Variants in NEDD4L observed in about 807,000 individuals in gnomAD.
NEDD4L encodes E3 ubiquitin-protein ligase NEDD4-like.
NEDD4L carries 54 observed loss-of-function variants against 148.9 expected under a neutral mutation model. That is an observed-to-expected ratio of 0.36 (90% CI 0.29 to 0.45). The LOEUF (loss-of-function observed/expected upper bound fraction) is 0.45, where lower values mean the gene tolerates loss of function less well. Ranked by LOEUF, NEDD4L falls within the 20% of genes least tolerant of loss-of-function variation. The pLI, the probability that NEDD4L is intolerant of heterozygous loss-of-function variation, is 1.00. For missense variants in NEDD4L, 856 were observed against 1,233.8 expected, an observed-to-expected ratio of 0.69 and a Z score of 4.59; for synonymous variants, 433 against 440.7, an observed-to-expected ratio of 0.98 and a Z score of 0.22.
chr18:58,121,867 A>G (rs2029966326), intron 1 of NEDD4L, among the ~76,000 whole-genome samples: 2 of 152,126 alleles, frequency 1.3e-5, no homozygotes, highest in Admixed American at 1.3e-4. Context: ...TTCCCTTCCC[A>G]TGTCTTATTT....
At chr18:58,241,925 C>T (rs981319717) in intron 2 of NEDD4L, among the ~76,000 whole-genome samples, 1 of 152,010 alleles carries the variant, frequency 6.6e-6, no homozygotes, top group Admixed American at 6.5e-5. Flanking sequence ...CATGTTCTTG[C>T]GTAGCATTGA....
rs143775156 is a variant in NEDD4L at position 58,362,405 on chromosome 18, GT to G, written c.1768-1860del. Among the ~76,000 whole-genome samples the G allele has an allele frequency of 3.2e-3, 480 of 152,320 alleles. 1 individual carries two copies. The highest frequency in any genetic ancestry group is 0.011 in the African/African-American group (455 of 41,572). The stretch of plus-strand genomic sequence containing the variant: ...TTCAGAAATAGAAGAGCTGAGTCAC[GT>G]TTGTTCATCCAGTCAAATTCTTCCA... On this transcript the variant is annotated intron_variant, in intron 19 of 30. Coordinates refer to ENST00000400345, the MANE Select transcript of NEDD4L (RefSeq NM_001144967.3).
At chr18:58,323,681 C>A (rs2059049562) in intron 8 of NEDD4L, among the ~76,000 whole-genome samples, 1 of 152,106 alleles carries the variant, frequency 6.6e-6, no homozygotes, top group African/African-American at 2.4e-5. Flanking sequence ...CCATTGAGGT[C>A]GCTTCAAAGT....
chr18:58,292,113 C>T (rs1412811340), intron 5 of NEDD4L, among the ~76,000 whole-genome samples: 1 of 148,598 alleles, frequency 6.7e-6, no homozygotes, highest in African/African-American at 2.5e-5. Flanking sequence ...CTCAAACGCA[C>T]AGCTTTGGGT....
intron 1 of NEDD4L, among the ~76,000 whole-genome samples, chr18:58,141,970 G>A (rs946527246): frequency 6.0e-5 from 9 of 149,866 alleles, no homozygotes; most frequent in African/African-American, 2.2e-4. Flanking sequence ...TCAGAGAAAT[G>A]TAAAGGAGCA....
Position 58,267,596 on chromosome 18 carries a change from G to A in NEDD4L, c.297+15542G>A, listed in dbSNP as rs540836287. On this transcript the variant is annotated intron_variant, in intron 5 of 30. Coordinates refer to ENST00000400345, the MANE Select transcript of NEDD4L (RefSeq NM_001144967.3). ...ACCAGGAAAGATCATGGATTGTCTC[G>A]GGAGTTAGTCTCCCCCTTAGTACTT... 3.1e-4 allele frequency among the ~76,000 whole-genome samples: 47 copies of A among 152,090 alleles called. 1 individual carries two copies. Among genetic ancestry groups the A allele is most frequent in the African/African-American group, 1.1e-3 (45 of 41,502 alleles).
chr18:58,115,076 G>A lies in NEDD4L; in HGVS notation c.49-50712G>A, dbSNP rs565999968. Among the ~76,000 whole-genome samples, 32 of 152,174 alleles carry A rather than the reference G, an allele frequency of 2.1e-4. No individual in the cohort carries two copies. In the South Asian group the frequency reaches 6.2e-3, roughly 30 times the overall value. On this transcript the variant is annotated intron_variant, in intron 1 of 30. Transcript: ENST00000400345. Reference sequence around the variant, plus strand: ...ACAGGTTCTGGGGATTAGGACTCGCGCATCTTGGGGGACCGTCATTCCACC... The same window carrying A: ...ACAGGTTCTGGGGATTAGGACTCGCACATCTTGGGGGACCGTCATTCCACC...
chr18:58,092,757 A>G (rs1208901233), intron 1 of NEDD4L, among the ~76,000 whole-genome samples: 1 of 150,916 alleles, frequency 6.6e-6, no homozygotes, highest in East Asian at 1.9e-4. Flanking sequence ...CATGAGCAAA[A>G]TTTCAGTTTA....
At chr18:58,328,925 T>A (rs2059551305) in intron 9 of NEDD4L, 70 bp from the exon 10 acceptor site, 1 of 1,584,310 alleles carries the variant, frequency 6.3e-7, no homozygotes, top group Non-Finnish European at 8.6e-7. Flanking sequence ...TCCGTGAGCA[T>A]TGAACTGTCA....
intron 1 of NEDD4L, among the ~76,000 whole-genome samples, chr18:58,060,548 G>GTA (rs1017222981): frequency 2.0e-5 from 3 of 152,170 alleles, no homozygotes; most frequent in African/African-American, 7.2e-5. Flanking sequence ...AAGGCAGGAG[G>GTA]TATTTAGGAG....
At position 58,401,253 on chromosome 18, in the gene NEDD4L, A is replaced by G. The variant is rs1375305082; in HGVS notation, c.*4984A>G. On this transcript the variant is annotated 3_prime_UTR_variant, in exon 31 of 31. Coordinates refer to ENST00000400345, the MANE Select transcript of NEDD4L (RefSeq NM_001144967.3). Reference sequence around the variant, plus strand: ...AATAGGAAGCCAAGTACTATTTGATACAGTGGTAAAAACCAAACTACCTTG... The same window carrying G: ...AATAGGAAGCCAAGTACTATTTGATGCAGTGGTAAAAACCAAACTACCTTG... 2 of 152,252 alleles carry G rather than the reference A, an allele frequency of 1.3e-5. No homozygotes were observed. Among genetic ancestry groups the G allele is most frequent in the African/African-American group, 4.8e-5 (2 of 41,466 alleles). 9.4% of individuals were successfully genotyped at this position (152,252 alleles called of 1,614,324 possible). A position where few individuals can be genotyped will look rare whatever the true frequency, so the allele number is the denominator to read the frequency against.
chr18:58,340,347 A>C (rs2042266709), intron 13 of NEDD4L, among the ~76,000 whole-genome samples: 1 of 152,210 alleles, frequency 6.6e-6, no homozygotes, highest in South Asian at 2.1e-4. Context: ...AAAAACTGCC[A>C]AGCTGTGTTC....
intron 5 of NEDD4L, among the ~76,000 whole-genome samples, chr18:58,259,732 G>C (rs1187166039): frequency 6.6e-6 from 1 of 152,152 alleles, no homozygotes; most frequent in Non-Finnish European, 1.5e-5. Flanking sequence ...GGCCCACCCG[G>C]ACAAAAGCAG....
intron 5 of NEDD4L, among the ~76,000 whole-genome samples, chr18:58,289,479 T>G (rs1265739807): frequency 2.0e-5 from 3 of 152,248 alleles, no homozygotes; most frequent in Non-Finnish European, 4.4e-5. Context: ...ATACGTTTAC[T>G]ACAAGAATCT....
At chr18:58,289,843 A>T (rs946407951) in intron 5 of NEDD4L, among the ~76,000 whole-genome samples, 1 of 152,242 alleles carries the variant, frequency 6.6e-6, no homozygotes, top group Non-Finnish European at 1.5e-5. Flanking sequence ...GCAGCTTTTT[A>T]TAAGTGTTCA....
intron 1 of NEDD4L, among the ~76,000 whole-genome samples, chr18:58,067,445 G>T (rs2082656405): frequency 6.6e-6 from 1 of 152,178 alleles, no homozygotes; most frequent in Non-Finnish European, 1.5e-5. Flanking sequence ...ATCAGGGAAT[G>T]AGCTAATTTG....
At chr18:58,373,630 G>A (rs1348700594) in intron 24 of NEDD4L, among the ~76,000 whole-genome samples, 2 of 152,230 alleles carry the variant, frequency 1.3e-5, no homozygotes, top group Non-Finnish European at 2.9e-5. Context: ...CCAGGAGTGG[G>A]TGATGTTGGA....
chr18:58,300,853 A>G (rs17807652), intron 5 of NEDD4L, among the ~76,000 whole-genome samples: 4 of 152,092 alleles, frequency 2.6e-5, no homozygotes, highest in African/African-American at 9.7e-5. Flanking sequence ...AATTGGAAGT[A>G]TGTGCATATT....
intron 5 of NEDD4L, chr18:58,255,485 G>C: frequency 8.1e-7 from 1 of 1,230,246 alleles, no homozygotes; most frequent in Non-Finnish European, 1.0e-6. Context: ...TGCCACTTGG[G>C]TTATTTCTGC....
Sources: gnomAD v4.1 joint callset for allele counts (sites outside exome capture counted in the v4.1 genomes callset) on GRCh38, gnomAD v4.1.1 for gene constraint, MANE v1.5 for transcripts, NCBI Gene and HGNC (gene_info 2026-07-23, HGNC 2026-07-21) for gene names.